The following HSPA4L variants were observed in gnomAD, a reference collection of about 807,000 sequenced individuals.
HSPA4L encodes heat shock protein family A (Hsp70) member 4 like.
In HSPA4L, 48 loss-of-function variants were observed where a neutral mutation model predicts 100.3. The observed-to-expected ratio is 0.48, with a 90% confidence interval of 0.38 to 0.61. The LOEUF (loss-of-function observed/expected upper bound fraction) is 0.61. Ranked by LOEUF, HSPA4L falls within the 20% of genes least tolerant of loss-of-function variation. The pLI, the probability that HSPA4L is intolerant of heterozygous loss-of-function variation, is 0.00. For missense variants in HSPA4L, 886 were observed against 988.6 expected (o/e 0.90, Z 1.39); for synonymous variants, 319 against 328.2 (o/e 0.97, Z 0.30).
rs756949425 is a variant in HSPA4L, at chr4:127,811,641, G to A, written c.1578+5G>A. The A allele has an allele frequency of 6.3e-7, 1 of 1,594,692 alleles. No individual in the cohort carries two copies. The highest frequency in any genetic ancestry group is 1.1e-5 in the South Asian group (1 of 90,234). On this transcript the variant is annotated splice_donor_5th_base_variant and intron_variant, in intron 12 of 18. Transcript: ENST00000296464. Reference sequence around the variant, plus strand: ...AATGAAAACAAAGATAATATGGTATGTAGAAATTCTTTCTCAATGTTCTTG... The same window carrying A: ...AATGAAAACAAAGATAATATGGTATATAGAAATTCTTTCTCAATGTTCTTG...
Position 127,827,316 on chromosome 4 carries a change from G to GT in HSPA4L, c.2058_2059insT (p.Pro687SerfsTer10). The stretch of plus-strand genomic sequence containing the variant: ...TCTTATGTTAACAGAAATACGGCCA[G>GT]CCTATTCAAATGAAGTACATGGAGC... On this transcript the variant is annotated frameshift_variant, in exon 17 of 19. Transcript: ENST00000296464. LOFTEE classifies it high-confidence loss of function. The GT allele has an allele frequency of 6.2e-7, 1 of 1,609,858 alleles. No homozygotes were observed.
intron 1 of HSPA4L, among the ~76,000 whole-genome samples, chr4:127,784,797 A>G (rs184435823): frequency 1.3e-5 from 2 of 152,380 alleles, no homozygotes; most frequent in Admixed American, 6.5e-5. Flanking sequence ...TGCAAAAAGC[A>G]TTGTAACTAT....
intron 3 of HSPA4L, among the ~76,000 whole-genome samples, chr4:127,797,935 G>C (rs922047082): frequency 3.9e-5 from 6 of 152,058 alleles, no homozygotes; most frequent in African/African-American, 1.4e-4. Context: ...GTCAGATTAA[G>C]ACTATGATTC....
Position 127,794,060 on chromosome 4 carries a change from T to C in HSPA4L, c.108-17T>C. On this transcript the variant is annotated splice_polypyrimidine_tract_variant and intron_variant, in intron 1 of 18. Transcript: ENST00000296464. ...ATAAAAGTACCATGGAACAAACTTT[T>C]TGTTTTTCTGGTTTAGGGCCTGTAT... 1 of 1,573,968 alleles carries C rather than the reference T, an allele frequency of 6.4e-7. No homozygotes were observed. Among genetic ancestry groups the C allele is most frequent in the Middle Eastern group, 1.7e-4 (1 of 5,934 alleles).
At chr4:127,804,997 T>TA in intron 8 of HSPA4L, 76 bp from the exon 9 acceptor site, 1 of 931,666 alleles carries the variant, frequency 1.1e-6, no homozygotes, top group Non-Finnish European at 1.6e-6. Context: ...ATCCACTTTT[T>TA]AAAAAAGTAC....
intron 6 of HSPA4L, among the ~76,000 whole-genome samples, chr4:127,802,906 A>G (rs539004487): frequency 2.0e-5 from 3 of 152,256 alleles, no homozygotes; most frequent in Non-Finnish European, 2.9e-5. Flanking sequence ...TTATAATGAA[A>G]GAGCTGCAAA....
At chr4:127,788,764 G>A (rs1215714540) in intron 1 of HSPA4L, among the ~76,000 whole-genome samples, 3 of 152,156 alleles carry the variant, frequency 2.0e-5, no homozygotes, top group African/African-American at 4.8e-5. Flanking sequence ...CCTAATATCC[G>A]ACAGTGCATT....
chr4:127,813,066 C>T (rs1733581606), intron 12 of HSPA4L: 29 of 1,097,778 alleles, frequency 2.6e-5, no homozygotes, highest in Admixed American at 1.3e-4. Flanking sequence ...GAACAGTACC[C>T]GTTCCCTTGA....
Position 127,808,007 on chromosome 4 carries a change from T to C in HSPA4L, c.1256T>C (p.Val419Ala). 1 of 1,608,626 alleles carries C rather than the reference T, an allele frequency of 6.2e-7. No homozygotes were observed. The highest frequency in any genetic ancestry group is 1.7e-5 in the Admixed American group (1 of 58,636). The change falls in exon 11 of 19, where the codon GTT becomes GCT. Residue 419 changes from valine to alanine, a missense_variant. By Grantham distance (64) the Val-to-Ala change is moderately conservative (BLOSUM62 0). Coordinates refer to ENST00000296464, the MANE Select transcript of HSPA4L (RefSeq NM_014278.4). The stretch of plus-strand genomic sequence containing the variant: ...TCCCTCCATTTTAGGGAATGTGAAG[T>C]TTTCTGTAAGAACCATCCTGCCCCA... ...SFEDGSGECE[V>A]FCKNHPAPFS...
intron 11 of HSPA4L, 35 bp from the exon 12 acceptor site, chr4:127,811,402 G>A: frequency 1.4e-6 from 2 of 1,479,970 alleles, no homozygotes; most frequent in Non-Finnish European, 1.9e-6. Flanking sequence ...TTAATCTGAG[G>A]CTCACATACT....
chr4:127,809,280 C>T lies in HSPA4L; in HGVS notation c.1378+1151C>T, dbSNP rs150859286. Reference sequence around the variant, plus strand: ...GCAGAACCAGTCTTCAACAAATCATCCTGGAGCTAGCATTGCACTCTCGAG... The same window carrying T: ...GCAGAACCAGTCTTCAACAAATCATTCTGGAGCTAGCATTGCACTCTCGAG... On this transcript the variant is annotated intron_variant, in intron 11 of 18. Transcript: ENST00000296464. 4.4e-6 allele frequency: 6 copies of T among 1,353,024 alleles called. No individual in the cohort carries two copies. The African/African-American group carries it at 5.7e-5, about 13-fold the overall frequency. 83.8% of individuals were successfully genotyped at this position (1,353,024 alleles called of 1,614,324 possible).
At chr4:127,821,905 C>A (rs923151311) in intron 14 of HSPA4L, among the ~76,000 whole-genome samples, 1 of 152,134 alleles carries the variant, frequency 6.6e-6, no homozygotes, top group Non-Finnish European at 1.5e-5. Context: ...GGATTTTAAT[C>A]TGAGTATGTA....
In HSPA4L at chr4:127,803,778, A is replaced by G. The variant is rs778713227; in HGVS notation, c.813A>G (p.Glu271=). Residue 271 remains glutamate, a synonymous_variant, in exon 7 of 19, where the codon GAA becomes GAG. Coordinates refer to ENST00000296464, the MANE Select transcript of HSPA4L (RefSeq NM_014278.4). ...TGTTGCGTTTATATCAGGAATGTGA[A>G]AAACTAAAGAAGCTAATGAGTGCAA... The part of the protein sequence containing the change: ...RALLRLYQEC[E]KLKKLMSANA... 6.2e-6 allele frequency: 10 copies of G among 1,613,906 alleles called. No homozygotes were observed. The highest frequency in any genetic ancestry group is 8.5e-6 in the Non-Finnish European group (10 of 1,179,978).
chr4:127,815,091 G>C (rs1489367076), intron 12 of HSPA4L, among the ~76,000 whole-genome samples: 1 of 151,786 alleles, frequency 6.6e-6, no homozygotes, highest in Non-Finnish European at 1.5e-5. Flanking sequence ...CTCTGAGGTA[G>C]ATAAAGAGGC....
chr4:127,808,038 A>G lies in HSPA4L; in HGVS notation c.1287A>G (p.Ser429=), dbSNP rs748762337. ...VFCKNHPAPF[S]KVITFHKKEP... Reference sequence around the variant, plus strand: ...GTAAGAACCATCCTGCCCCATTCTCAAAAGTCATTACTTTCCACAAGAAGG... The same window carrying G: ...GTAAGAACCATCCTGCCCCATTCTCGAAAGTCATTACTTTCCACAAGAAGG... The change falls in exon 11 of 19, where the codon TCA becomes TCG. Residue 429 remains serine (S), a synonymous_variant. Coordinates refer to ENST00000296464, the MANE Select transcript of HSPA4L (RefSeq NM_014278.4). The G allele has an allele frequency of 2.5e-6, 4 of 1,612,828 alleles. No homozygotes were observed. The highest frequency in any genetic ancestry group is 3.4e-6 in the Non-Finnish European group (4 of 1,179,372).
chr4:127,803,902 T>C (rs950400586), intron 7 of HSPA4L, 29 bp downstream of exon 7: 2 of 1,609,672 alleles, frequency 1.2e-6, no homozygotes, highest in Non-Finnish European at 1.7e-6. Flanking sequence ...GTTTGAAAAG[T>C]GTTTACTTAT....
chr4:127,834,500 C>CT lies in HSPA4L; in HGVS notation c.*1632dup, dbSNP rs1249703800. ...TTCCGTCTTTTGAGGGGAAGAATCT[C>CT]TTTTTTGCATTAAAAAATCATATAA... On this transcript the variant is annotated 3_prime_UTR_variant, in exon 19 of 19. Coordinates refer to ENST00000296464, the MANE Select transcript of HSPA4L (RefSeq NM_014278.4). 6.6e-6 allele frequency: 1 copy of CT among 152,050 alleles called. No homozygotes were observed. The highest frequency in any genetic ancestry group is 2.4e-5 in the African/African-American group (1 of 41,422). 9.4% of individuals were successfully genotyped at this position (152,050 alleles called of 1,614,324 possible). A position where few individuals can be genotyped will look rare whatever the true frequency, so the allele number is the denominator to read the frequency against.
At chr4:127,815,518 TA>T (rs1733650213) in intron 12 of HSPA4L, among the ~76,000 whole-genome samples, 3 of 152,246 alleles carry the variant, frequency 2.0e-5, no homozygotes, top group South Asian at 4.1e-4. Context: ...TATCACATCT[TA>T]AACTATATCA....
intron 6 of HSPA4L, 30 bp from the exon 7 acceptor site, chr4:127,803,599 A>T (rs1416200649): frequency 6.7e-7 from 1 of 1,481,908 alleles, no homozygotes; most frequent in Non-Finnish European, 9.0e-7. Context: ...ATATTTCTGA[A>T]AATACAGTTC....
Sources: gnomAD v4.1 joint callset for allele counts (sites outside exome capture counted in the v4.1 genomes callset) on GRCh38, gnomAD v4.1.1 for gene constraint, MANE v1.5 for transcripts, NCBI Gene and HGNC (gene_info 2026-07-23, HGNC 2026-07-21) for gene names.